The following COG5 variants were observed in gnomAD, a reference collection of about 807,000 sequenced individuals.
The protein encoded by COG5 is component of oligomeric golgi complex 5.
A neutral mutation model predicts 110.4 loss-of-function variants in COG5; 86 were observed. The ratio of observed to expected loss-of-function variants is 0.78; its 90% CI spans 0.65 to 0.93. The LOEUF (loss-of-function observed/expected upper bound fraction) is 0.93. COG5 is among the 40% of genes least tolerant of loss of function. The pLI is 0.00. For missense variants in COG5, 1,077 were observed against 987.0 expected (o/e 1.09, Z -1.22); for synonymous variants, 360 against 334.6 (o/e 1.08, Z -0.83).
intron 7 of COG5, among the ~76,000 whole-genome samples, chr7:107,393,968 A>AT (rs72462959): frequency 0.025 from 3,653 of 148,382 alleles, 167 homozygotes; most frequent in African/African-American, 0.083. Context: ...ATTTATTATT[A>AT]TTTTTTTTTT....
At chr7:107,525,569 A>T (rs968587262) in intron 6 of COG5, among the ~76,000 whole-genome samples, 80 of 148,302 alleles carry the variant, frequency 5.4e-4, no homozygotes, top group Middle Eastern at 3.4e-3. Flanking sequence ...TTTTTTTTTA[A>T]AGAGTCAAGA....
intron 6 of COG5, among the ~76,000 whole-genome samples, chr7:107,511,892 AT>A (rs1249221578): frequency 6.6e-6 from 1 of 152,250 alleles, no homozygotes; most frequent in Admixed American, 6.5e-5. Context: ...GATGGGACAT[AT>A]CTCAAAATAA....
At chr7:107,342,829 A>G (rs181256033) in intron 10 of COG5, among the ~76,000 whole-genome samples, 16 of 152,208 alleles carry the variant, frequency 1.1e-4, no homozygotes, top group African/African-American at 3.9e-4. Flanking sequence ...AAGAACTTAA[A>G]ACAGAACTAC....
intron 8 of COG5, among the ~76,000 whole-genome samples, chr7:107,364,164 T>C (rs372116050): frequency 6.6e-6 from 1 of 152,190 alleles, no homozygotes; most frequent in African/African-American, 2.4e-5. Context: ...TAATAGGAAG[T>C]ACACAACATC....
At chr7:107,379,762 A>C (rs1310099178) in intron 7 of COG5, among the ~76,000 whole-genome samples, 7 of 152,192 alleles carry the variant, frequency 4.6e-5, no homozygotes, top group Non-Finnish European at 1.0e-4. Context: ...CCAGTACAGG[A>C]GCACCCAGAT....
intron 12 of COG5, among the ~76,000 whole-genome samples, chr7:107,291,020 G>A (rs1376417939): frequency 6.6e-6 from 1 of 152,104 alleles, no homozygotes; most frequent in African/African-American, 2.4e-5. Context: ...TTTTTACCAC[G>A]ATGTATCTGT....
At position 107,474,999 on chromosome 7, in the gene COG5, G is replaced by C; in HGVS notation, c.538+52238C>G. On this transcript the variant is annotated intron_variant, in intron 6 of 21. Coordinates refer to ENST00000297135, the MANE Select transcript of COG5 (RefSeq NM_006348.5). The surrounding 1 kb of genome is among the most constrained non-coding windows in gnomAD (Gnocchi z 5.7). ...GAGAAAGACAAAAGAGAGTCTTCAG[G>C]ATGTCTTTATTGATTATTTCTACAT... 1 of 1,612,476 alleles carries C rather than the reference G, an allele frequency of 6.2e-7. No individual in the cohort carries two copies. Among genetic ancestry groups the C allele is most frequent in the Non-Finnish European group, 8.5e-7 (1 of 1,179,012 alleles).
chr7:107,250,476 A>G (rs1468378046), intron 16 of COG5, among the ~76,000 whole-genome samples: 2 of 152,174 alleles, frequency 1.3e-5, no homozygotes, highest in Non-Finnish European at 2.9e-5. Context: ...TCTACACAAC[A>G]TAACATTCAC....
rs980598902 is a variant in COG5 at position 107,210,179 on chromosome 7, C to T, written c.2375+347G>A. The T allele has an allele frequency of 3.5e-6, 4 of 1,136,164 alleles. No individual in the cohort carries two copies. In the African/African-American group the frequency reaches 6.3e-5, roughly 18 times the overall value. 70.4% of individuals were successfully genotyped at this position (1,136,164 alleles called of 1,614,324 possible). A position where few individuals can be genotyped will look rare whatever the true frequency, so the allele number is the denominator to read the frequency against. On this transcript the variant is annotated intron_variant, in intron 21 of 21. Transcript: ENST00000297135. ...CATCTGTGTTCCACCAATTCAGTAA[C>T]TGCAGCACATAAAAATGAAGTAAAA...
At chr7:107,339,424 T>TG (rs1292850525) in intron 10 of COG5, among the ~76,000 whole-genome samples, 1 of 152,056 alleles carries the variant, frequency 6.6e-6, no homozygotes, top group African/African-American at 2.4e-5. Flanking sequence ...AAAATTATAG[T>TG]GGGGGGCTTC....
At chr7:107,296,434 C>G (rs912216114) in intron 12 of COG5, among the ~76,000 whole-genome samples, 3 of 151,902 alleles carry the variant, frequency 2.0e-5, no homozygotes, top group African/African-American at 7.2e-5. Context: ...CTTTGCAGAT[C>G]AACAGACATA....
At chr7:107,491,834 G>A (rs1223546872) in intron 6 of COG5, among the ~76,000 whole-genome samples, 1 of 152,050 alleles carries the variant, frequency 6.6e-6, no homozygotes, top group African/African-American at 2.4e-5. Flanking sequence ...ATATTCTTCT[G>A]TAAGAAATTA....
At chr7:107,533,239 CA>C (rs140623445) in intron 5 of COG5, among the ~76,000 whole-genome samples, 19,148 of 151,510 alleles carry the variant, frequency 0.13, 1,573 homozygotes, top group Non-Finnish European at 0.17. Flanking sequence ...CTGAAAATGC[CA>C]AAAACCAGAA....
chr7:107,269,092 T>C (rs1804034765), intron 14 of COG5, among the ~76,000 whole-genome samples: 1 of 152,240 alleles, frequency 6.6e-6, no homozygotes, highest in South Asian at 2.1e-4. Context: ...CAACTGATAG[T>C]TTCCTTTTTT....
chr7:107,435,375 A>G (rs1452485007), intron 6 of COG5, among the ~76,000 whole-genome samples: 1 of 151,868 alleles, frequency 6.6e-6, no homozygotes, highest in Non-Finnish European at 1.5e-5. Context: ...AAATCTGGCC[A>G]GGCGCGGTGG....
At chr7:107,435,244 A>C (rs1301457241) in intron 6 of COG5, among the ~76,000 whole-genome samples, 1 of 152,214 alleles carries the variant, frequency 6.6e-6, no homozygotes, top group African/African-American at 2.4e-5. Flanking sequence ...CAATATAAAC[A>C]TAGTACTAAA....
chr7:107,415,874 A>G lies in COG5; in HGVS notation c.539-3242T>C, dbSNP rs866759353. Among the ~76,000 whole-genome samples, 93 of 61,302 alleles carry G rather than the reference A, an allele frequency of 1.5e-3. 7 individuals are homozygous for G. The highest frequency in any genetic ancestry group is 0.02 in the Middle Eastern group (2 of 102). The allele number at this position is 61,302 out of a possible 152,430, so 40.2% of individuals were successfully genotyped here. On this transcript the variant is annotated intron_variant, in intron 6 of 21. Transcript: ENST00000297135. ...TACACACACATACACGTATGTATGT[A>G]TGTGTGTGTATATACACACACATAC...
intron 6 of COG5, among the ~76,000 whole-genome samples, chr7:107,493,147 A>G (rs1256457782): frequency 1.3e-5 from 2 of 152,170 alleles, no homozygotes; most frequent in African/African-American, 4.8e-5. Context: ...AAAGGAACAC[A>G]GAGTTCATCT....
At position 107,527,229 on chromosome 7, in the gene COG5, A is replaced by C. The variant is rs1018824602; in HGVS notation, c.538+8T>G. 7.2e-6 allele frequency: 11 copies of C among 1,537,454 alleles called. No homozygotes were observed. Among genetic ancestry groups the C allele is most frequent in the Admixed American group, 2.1e-5 (1 of 48,756 alleles). ...TAACTTTTTATTTAAAAAAAAAAAA[A>C]AACTTACCAAGTTCATTGAGACTCT... On this transcript the variant is annotated splice_region_variant and intron_variant, in intron 6 of 21. Coordinates refer to ENST00000297135, the MANE Select transcript of COG5 (RefSeq NM_006348.5).
Sources: gnomAD v4.1 joint callset for allele counts (sites outside exome capture counted in the v4.1 genomes callset) on GRCh38, gnomAD v4.1.1 for gene constraint, Gnocchi (gnomAD v3.1) non-coding constraint, MANE v1.5 for transcripts, NCBI Gene and HGNC (gene_info 2026-07-23, HGNC 2026-07-21) for gene names.